GPHN: variants seen among roughly 807,000 people sequenced by gnomAD.
GPHN encodes gephyrin.
A neutral mutation model predicts 95.5 loss-of-function variants in GPHN; 17 were observed. The ratio of observed to expected loss-of-function variants is 0.18; its 90% CI spans 0.12 to 0.27. The LOEUF is 0.27. Ranked by LOEUF, GPHN falls within the 10% of genes least tolerant of loss-of-function variation. The probability of loss-of-function intolerance (pLI) is 1.00; values close to 1 mark genes in which losing one functional copy is unlikely to be tolerated. For synonymous variants in GPHN, 320 were observed against 322.5 expected, an observed-to-expected ratio of 0.99 and a Z score of 0.08; for missense variants, 660 against 978.1, an observed-to-expected ratio of 0.67 and a Z score of 4.34.
chr14:67,023,619 T>C lies in GPHN; in HGVS notation c.964-14T>C, dbSNP rs1212656589. 6.2e-7 allele frequency: 1 copy of C among 1,611,442 alleles called. No homozygotes were observed. Among genetic ancestry groups the C allele is most frequent in the Non-Finnish European group, 8.5e-7 (1 of 1,177,548 alleles). On this transcript the variant is annotated splice_polypyrimidine_tract_variant and intron_variant, in intron 9 of 22. Transcript: ENST00000478722. ...TATAAACCCTAAATTACTGAGTTTA[T>C]GCTCTTTCTACAGGTCCAGTCCAGG...
chr14:66,762,320 G>T (rs1343622304), intron 2 of GPHN, among the ~76,000 whole-genome samples: 2 of 152,090 alleles, frequency 1.3e-5, no homozygotes, highest in Non-Finnish European at 2.9e-5. Flanking sequence ...TTGCTTCTTT[G>T]TAAACTACTT....
intron 9 of GPHN, among the ~76,000 whole-genome samples, chr14:67,015,639 G>A (rs902018460): frequency 6.6e-6 from 1 of 152,146 alleles, no homozygotes; most frequent in Non-Finnish European, 1.5e-5. Flanking sequence ...GGAGGTTGCA[G>A]TGAGCCAAGA....
the GPHN span, among the ~76,000 whole-genome samples, chr14:67,257,598 TAAAAA>T: frequency 6.9e-6 from 1 of 145,592 alleles, no homozygotes; most frequent in Non-Finnish European, 1.5e-5. Context: ...AACAGATAAC[TAAAAA>T]AAAAAGAAAT....
At chr14:67,646,558 G>C in the GPHN span, 1 of 1,081,478 alleles carries the variant, frequency 9.2e-7, no homozygotes, top group Non-Finnish European at 1.4e-6. Context: ...GAAGAAAGCA[G>C]ATTGCATACC....
chr14:67,530,338 C>G, the GPHN span, among the ~76,000 whole-genome samples: 2 of 152,166 alleles, frequency 1.3e-5, no homozygotes, highest in African/African-American at 4.8e-5. Context: ...AGCAACTGCC[C>G]CAAGGTCCCA....
At chr14:67,236,168 A>C in the GPHN span, among the ~76,000 whole-genome samples, 2 of 152,312 alleles carry the variant, frequency 1.3e-5, no homozygotes, top group Admixed American at 1.3e-4. Flanking sequence ...TGTTGTACAA[A>C]TAGAGCTCTT....
intron 16 of GPHN, among the ~76,000 whole-genome samples, chr14:67,119,838 G>A (rs576613092): frequency 2.0e-5 from 3 of 151,770 alleles, no homozygotes; most frequent in East Asian, 1.9e-4. Flanking sequence ...TTAAAAAGTG[G>A]GAAGATAGTG....
At chr14:66,751,025 CAG>C (rs1212313906) in intron 2 of GPHN, among the ~76,000 whole-genome samples, 2 of 151,510 alleles carry the variant, frequency 1.3e-5, no homozygotes, top group Non-Finnish European at 1.5e-5. Context: ...TTAGAAGTCA[CAG>C]AATTTTTAAA....
chr14:67,105,408 C>T (rs778373792), intron 13 of GPHN, among the ~76,000 whole-genome samples: 5 of 152,074 alleles, frequency 3.3e-5, no homozygotes, highest in Admixed American at 1.3e-4. Context: ...ATCTATATGA[C>T]TTGTCCAATG....
chr14:67,124,101 G>A (rs2079161445), intron 17 of GPHN, among the ~76,000 whole-genome samples: 1 of 152,040 alleles, frequency 6.6e-6, no homozygotes, highest in South Asian at 2.1e-4. Flanking sequence ...TATTTGCATG[G>A]ATGTTTAGCT....
chr14:67,416,583 A>G, the GPHN span, among the ~76,000 whole-genome samples: 1 of 152,262 alleles, frequency 6.6e-6, no homozygotes, highest in Non-Finnish European at 1.5e-5. Flanking sequence ...AAGGCCATCC[A>G]GCTAGTTGCT....
At chr14:67,534,947 G>A in the GPHN span, among the ~76,000 whole-genome samples, 1 of 152,182 alleles carries the variant, frequency 6.6e-6, no homozygotes, top group African/African-American at 2.4e-5. Context: ...GCAAAAGGTT[G>A]GAAACAATCT....
At chr14:66,578,089 T>C (rs2060982367) in intron 1 of GPHN, among the ~76,000 whole-genome samples, 1 of 151,890 alleles carries the variant, frequency 6.6e-6, no homozygotes, top group Non-Finnish European at 1.5e-5. Flanking sequence ...TTTTGGAAGA[T>C]TGTAAATTGC....
chr14:66,546,579 G>A (rs1566580290), intron 1 of GPHN, among the ~76,000 whole-genome samples: 1 of 152,142 alleles, frequency 6.6e-6, no homozygotes, highest in Non-Finnish European at 1.5e-5. Context: ...AGACCAGCCC[G>A]TCCAACACAG....
chr14:66,609,306 A>C (rs188774858), intron 1 of GPHN, among the ~76,000 whole-genome samples: 2 of 152,130 alleles, frequency 1.3e-5, no homozygotes, highest in Admixed American at 1.3e-4. Flanking sequence ...TCTGCTGAGT[A>C]GCCCGCTACT....
chr14:66,534,954 A>T (rs190418230), intron 1 of GPHN, among the ~76,000 whole-genome samples: 1 of 152,234 alleles, frequency 6.6e-6, no homozygotes, highest in East Asian at 1.9e-4. Flanking sequence ...ATAGTGTATT[A>T]TAATAAATAA....
intron 10 of GPHN, among the ~76,000 whole-genome samples, chr14:67,043,091 A>T (rs1223620478): frequency 6.6e-6 from 1 of 152,188 alleles, no homozygotes; most frequent in Non-Finnish European, 1.5e-5. Context: ...GTATCCTGAG[A>T]CTTTGCTGAA....
At chr14:66,932,297 A>G (rs2066843569) in intron 8 of GPHN, among the ~76,000 whole-genome samples, 1 of 151,964 alleles carries the variant, frequency 6.6e-6, no homozygotes, top group African/African-American at 2.4e-5. Flanking sequence ...GGCCACCACC[A>G]CTGGTACTGT....
chr14:67,523,155 T>C, the GPHN span, among the ~76,000 whole-genome samples: 1 of 152,104 alleles, frequency 6.6e-6, no homozygotes, highest in Non-Finnish European at 1.5e-5. Context: ...AAACCCTGTC[T>C]GTACTAAAAA....
Sources: gnomAD v4.1 joint callset for allele counts (sites outside exome capture counted in the v4.1 genomes callset) on GRCh38, gnomAD v4.1.1 for gene constraint, MANE v1.5 for transcripts, NCBI Gene and HGNC (gene_info 2026-07-23, HGNC 2026-07-21) for gene names.